The following NCOR1 variants were observed in gnomAD, a reference collection of about 807,000 sequenced individuals.
NCOR1 encodes nuclear receptor corepressor 1.
Under a neutral mutation model 288.1 loss-of-function variants are expected in NCOR1, and 63 were observed. The observed-to-expected ratio is 0.22, with a 90% CI of 0.18 to 0.27. The LOEUF (loss-of-function observed/expected upper bound fraction) is 0.27. Among genes scored for constraint, NCOR1 ranks in the 10% least tolerant of loss-of-function variants. NCOR1 has a pLI of 1.00. For synonymous variants in NCOR1, 1,007 were observed against 1,065.9 expected (o/e 0.94, Z 1.08); for missense variants, 2,397 against 3,019.2 (o/e 0.79, Z 4.83).
intron 19 of NCOR1, among the ~76,000 whole-genome samples, chr17:16,105,754 C>A (rs915626684): frequency 4.0e-5 from 6 of 151,832 alleles, no homozygotes; most frequent in South Asian, 2.1e-4. Context: ...CAAACAAAGA[C>A]AGACAAGCAA....
At chr17:16,128,025 C>G (rs907157378) in intron 14 of NCOR1, among the ~76,000 whole-genome samples, 1 of 152,006 alleles carries the variant, frequency 6.6e-6, no homozygotes, top group Non-Finnish European at 1.5e-5. Context: ...AGTGATTCTC[C>G]CACCTCAGTC....
chr17:16,089,785 T>C (rs1422224427), intron 22 of NCOR1, among the ~76,000 whole-genome samples: 4 of 152,128 alleles, frequency 2.6e-5, no homozygotes, highest in African/African-American at 7.2e-5. Flanking sequence ...CATTTAAATG[T>C]TATTTGAAAG....
chr17:16,092,526 A>G (rs1447045051), intron 21 of NCOR1, among the ~76,000 whole-genome samples: 2 of 151,104 alleles, frequency 1.3e-5, no homozygotes, highest in African/African-American at 2.4e-5. Context: ...ACAAGCTGTA[A>G]TAACAGAAAT....
chr17:16,044,752 C>T, intron 42 of NCOR1: 2 of 824,180 alleles, frequency 2.4e-6, no homozygotes, highest in East Asian at 2.5e-5. Context: ...CTTTTTGGTC[C>T]AGCTTGTTTG....
rs939010494 is a variant in NCOR1 at position 16,215,447 on chromosome 17, C to T, written c.-156G>A. The T allele has an allele frequency of 1.3e-5, 5 of 397,580 alleles. No homozygotes were observed. Among genetic ancestry groups the T allele is most frequent in the African/African-American group, 6.2e-5 (3 of 48,680 alleles). The allele number at this position is 397,580 out of a possible 1,614,324, so 24.6% of individuals were successfully genotyped here. A position where few individuals can be genotyped will look rare whatever the true frequency, so the allele number is the denominator to read the frequency against. Reference sequence around the variant, plus strand: ...ACGGCGCGCGGCCCTACACCGGGACCTCGTTCGGCGCGGCGAGTCGGACGC... The same window carrying T: ...ACGGCGCGCGGCCCTACACCGGGACTTCGTTCGGCGCGGCGAGTCGGACGC... On this transcript the variant is annotated 5_prime_UTR_variant, in exon 1 of 46. Transcript: ENST00000268712.
chr17:16,058,540 A>G lies in NCOR1; in HGVS notation c.5941T>C (p.Ser1981Pro), dbSNP rs2060186647. ...AGTTTCTCCTGGGGTGGCGCAGGTG[A>G]GCTGGCAGGACTTATCACCTCAATA... ...DAIEVISPAS[S>P]PAPPQEKLQT... is the part of the protein sequence containing the mutation. The change falls in exon 38 of 46, where the codon TCA becomes CCA. Residue 1981 changes from serine (S) to proline (P), a missense_variant. By Grantham distance (74) the Ser-to-Pro change is moderately conservative. This residue lies in a region of NCOR1 where 1,872 missense variants were observed against 2,187.8 expected (regional missense o/e 0.86). Transcript: ENST00000268712. The G allele has an allele frequency of 1.2e-6, 2 of 1,614,076 alleles. No homozygotes were observed. Among genetic ancestry groups the G allele is most frequent in the Middle Eastern group, 1.7e-4 (1 of 6,058 alleles).
At chr17:16,154,439 C>T (rs2079382147) in intron 6 of NCOR1, among the ~76,000 whole-genome samples, 1 of 152,124 alleles carries the variant, frequency 6.6e-6, no homozygotes, top group Non-Finnish European at 1.5e-5. Context: ...AGCCTTCCCA[C>T]CACAGGAAGA....
chr17:16,106,868 TATATATATATATATA>T (rs375017307), intron 19 of NCOR1, among the ~76,000 whole-genome samples: 1 of 50,282 alleles, frequency 2.0e-5, no homozygotes, highest in Admixed American at 1.9e-4. Flanking sequence ...TATATATATA[TATATATATATATATA>T]TTTTTTTTTT....
chr17:16,083,356 C>CA lies in NCOR1; in HGVS notation c.3178-2630dup, dbSNP rs10715063. Among the ~76,000 whole-genome samples, 557 of 142,236 alleles carry CA rather than the reference C, an allele frequency of 3.9e-3. 20 individuals carry two copies. Among genetic ancestry groups the CA allele is most frequent in the Admixed American group, 0.027 (385 of 14,260 alleles). The allele number at this position is 142,236 out of a possible 152,430, so 93.3% of individuals were successfully genotyped here. ...CACTACTGCAAAGCAAGACTTTGTC[C>CA]AAAAAAAAAAAACAAAAACAAAATT... On this transcript the variant is annotated intron_variant, in intron 23 of 45. Transcript: ENST00000268712.
chr17:16,098,053 T>C (rs1053750444), intron 21 of NCOR1, among the ~76,000 whole-genome samples: 1 of 152,198 alleles, frequency 6.6e-6, no homozygotes, highest in Non-Finnish European at 1.5e-5. Flanking sequence ...AAACTGTGTG[T>C]TAAATTCATA....
chr17:16,151,962 G>T lies in NCOR1; in HGVS notation c.826C>A (p.His276Asn). The change falls in exon 8 of 46, where the codon CAT becomes AAT. Residue 276 changes from histidine to asparagine, a missense_variant. This residue lies in a region of NCOR1 where 76 missense variants were observed against 102.2 expected (regional missense o/e 0.74). Transcript: ENST00000268712. ...YNQPSDTKVY[H>N]ENIKTNQVMR... is the part of the protein sequence containing the mutation. ...AATACTTACGTCTTGATGTTCTCAT[G>T]GTACACCTTGGTATCTGATGGCTGG... The T allele has an allele frequency of 6.3e-7, 1 of 1,596,540 alleles. No individual in the cohort carries two copies. Among genetic ancestry groups the T allele is most frequent in the Non-Finnish European group, 8.5e-7 (1 of 1,173,152 alleles).
chr17:16,186,484 T>C (rs2086705772), intron 3 of NCOR1, 70 bp downstream of exon 3: 2 of 1,485,068 alleles, frequency 1.3e-6, no homozygotes, highest in East Asian at 2.4e-5. Flanking sequence ...AGTAAAAAAA[T>C]AAAATAATGA....
At chr17:16,127,686 T>C (rs1396118285) in intron 14 of NCOR1, among the ~76,000 whole-genome samples, 1 of 145,750 alleles carries the variant, frequency 6.9e-6, no homozygotes, top group East Asian at 2.0e-4. Context: ...TGTATGTGTA[T>C]ATATACATAT....
chr17:16,120,903 T>C (rs1047041856), intron 16 of NCOR1, 149 bp downstream of exon 16: 1 of 681,430 alleles, frequency 1.5e-6, no homozygotes, highest in African/African-American at 1.8e-5. Flanking sequence ...TTCAAAAAAC[T>C]TTGACATTAA....
chr17:16,077,167 C>T (rs534839809), intron 26 of NCOR1, among the ~76,000 whole-genome samples: 7 of 152,130 alleles, frequency 4.6e-5, no homozygotes, highest in South Asian at 2.1e-4. Context: ...GAGGCCAAGA[C>T]GGGCGGATCA....
At chr17:16,193,795 A>G (rs1349807479) in intron 2 of NCOR1, among the ~76,000 whole-genome samples, 2 of 152,178 alleles carry the variant, frequency 1.3e-5, no homozygotes, top group African/African-American at 4.8e-5. Flanking sequence ...CTCTGTAATC[A>G]TGACTGCACT....
intron 4 of NCOR1, among the ~76,000 whole-genome samples, chr17:16,170,107 CTGTGTGTGTGTG>C (rs61345864): frequency 1.2e-4 from 18 of 147,580 alleles, no homozygotes; most frequent in East Asian, 4.0e-4. Context: ...TATTTGCTTT[CTGTGTGTGTGTG>C]TGTGTGTGTG....
chr17:16,112,785 G>A (rs2070590609), intron 18 of NCOR1, among the ~76,000 whole-genome samples: 1 of 152,024 alleles, frequency 6.6e-6, no homozygotes, highest in Non-Finnish European at 1.5e-5. Context: ...CACTGCACCT[G>A]GCCAAAGAGC....
chr17:16,049,134 C>A, intron 40 of NCOR1, 146 bp from the exon 41 acceptor site: 2 of 683,528 alleles, frequency 2.9e-6, no homozygotes, highest in Non-Finnish European at 4.6e-6. Context: ...CTCAGGTATT[C>A]ACTATATACA....
Sources: gnomAD v4.1 joint callset for allele counts (sites outside exome capture counted in the v4.1 genomes callset) on GRCh38, gnomAD v4.1.1 for gene constraint, gnomAD v4.1.1 regional missense constraint, MANE v1.5 for transcripts, NCBI Gene and HGNC (gene_info 2026-07-23, HGNC 2026-07-21) for gene names.